The following PLCB1 variants were observed in gnomAD, a reference collection of about 807,000 sequenced individuals.
The protein encoded by PLCB1 is 1-phosphatidylinositol 4,5-bisphosphate phosphodiesterase beta-1.
A neutral mutation model predicts 161.8 loss-of-function variants in PLCB1; 46 were observed. The ratio of observed to expected loss-of-function variants is 0.28; its 90% CI spans 0.22 to 0.36. The LOEUF is 0.36. PLCB1 is among the 10% of genes least tolerant of loss of function. PLCB1 has a pLI of 1.00. For synonymous variants in PLCB1, 517 were observed against 503.7 expected (o/e 1.03, Z -0.35); for missense variants, 1,016 against 1,472.5 (o/e 0.69, Z 5.07).
rs1425827795 is a variant in PLCB1, at chr20:8,838,506, T to C, written c.3424-43116T>C. Among the ~76,000 whole-genome samples, 3 of 152,206 alleles carry C rather than the reference T, an allele frequency of 2.0e-5. No individual in the cohort carries two copies. The East Asian group carries it at 5.8e-4, about 29-fold the overall frequency. ...ACTTATCCCGTGGTTATTTTCCTAG[T>C]CTGAAATGTATACTTGGAATAGATA... On this transcript the variant is annotated intron_variant, in intron 31 of 31. Transcript: ENST00000338037.
chr20:8,826,495 C>CAAA (rs5840291), intron 31 of PLCB1, among the ~76,000 whole-genome samples: 2 of 123,072 alleles, frequency 1.6e-5, no homozygotes, highest in African/African-American at 3.3e-5. Flanking sequence ...GACTCCGTCT[C>CAAA]AAAAAAAAAA....
chr20:8,836,652 T>C (rs1198533915), intron 31 of PLCB1, among the ~76,000 whole-genome samples: 1 of 133,278 alleles, frequency 7.5e-6, no homozygotes, highest in Admixed American at 8.4e-5. Context: ...TCAATAGAGA[T>C]ATATAAATAT....
chr20:8,656,568 A>G (rs1989462900), intron 7 of PLCB1, among the ~76,000 whole-genome samples: 2 of 152,054 alleles, frequency 1.3e-5, no homozygotes, highest in African/African-American at 4.8e-5. Context: ...TTTTATATCA[A>G]TGACTTGCTT....
intron 2 of PLCB1, among the ~76,000 whole-genome samples, chr20:8,260,624 A>G (rs1981641768): frequency 6.6e-6 from 1 of 152,084 alleles, no homozygotes; most frequent in South Asian, 2.1e-4. Context: ...AGGGACAAGC[A>G]AATCCTAGCT....
intron 2 of PLCB1, among the ~76,000 whole-genome samples, chr20:8,262,860 GA>G (rs1156754097): frequency 6.6e-6 from 1 of 150,428 alleles, no homozygotes; most frequent in Non-Finnish European, 1.5e-5. Context: ...GAGGGAGAAA[GA>G]GAATGAGAGA....
intron 3 of PLCB1, among the ~76,000 whole-genome samples, chr20:8,506,285 T>G (rs1983635117): frequency 1.3e-5 from 2 of 152,200 alleles, no homozygotes; most frequent in African/African-American, 4.8e-5. Context: ...CTAACTCAAT[T>G]GAACTTGCTA....
At chr20:8,444,996 T>C (rs1195106003) in intron 3 of PLCB1, among the ~76,000 whole-genome samples, 1 of 152,186 alleles carries the variant, frequency 6.6e-6, no homozygotes, top group Non-Finnish European at 1.5e-5. Context: ...TTCTGTAGGT[T>C]GTCTGTTCAC....
At chr20:8,562,007 T>C (rs763829842) in intron 3 of PLCB1, among the ~76,000 whole-genome samples, 1 of 152,030 alleles carries the variant, frequency 6.6e-6, no homozygotes, top group Non-Finnish European at 1.5e-5. Context: ...TTGCTATTTT[T>C]TTCCTTTTAG....
At chr20:8,456,544 A>C (rs1981325658) in intron 3 of PLCB1, among the ~76,000 whole-genome samples, 1 of 152,168 alleles carries the variant, frequency 6.6e-6, no homozygotes, top group Admixed American at 6.5e-5. Context: ...TAATAAACAC[A>C]AGTTTTATGA....
At chr20:8,505,303 T>A (rs1196848120) in intron 3 of PLCB1, among the ~76,000 whole-genome samples, 1 of 152,218 alleles carries the variant, frequency 6.6e-6, no homozygotes, top group Non-Finnish European at 1.5e-5. Context: ...CCTTTCTCAT[T>A]GAGTGGCGAG....
intron 2 of PLCB1, among the ~76,000 whole-genome samples, chr20:8,253,434 T>G (rs138535652): frequency 6.6e-6 from 1 of 152,102 alleles, no homozygotes; most frequent in Non-Finnish European, 1.5e-5. Context: ...AATACGAGAC[T>G]GACATATTTA....
At chr20:8,233,462 G>A (rs1980170816) in intron 2 of PLCB1, among the ~76,000 whole-genome samples, 1 of 152,094 alleles carries the variant, frequency 6.6e-6, no homozygotes, top group Non-Finnish European at 1.5e-5. Flanking sequence ...ACTTGGTGAG[G>A]CAGACAGGCA....
intron 2 of PLCB1, among the ~76,000 whole-genome samples, chr20:8,339,656 T>C (rs988232053): frequency 3.9e-5 from 6 of 152,228 alleles, no homozygotes; most frequent in Admixed American, 3.3e-4. Flanking sequence ...AAAAACTCTC[T>C]TCTGTTGTTG....
chr20:8,206,187 T>C (rs756677063), intron 2 of PLCB1, among the ~76,000 whole-genome samples: 11 of 152,226 alleles, frequency 7.2e-5, no homozygotes, highest in East Asian at 1.9e-4. Context: ...TCCTGACCTA[T>C]GACTTGTATA....
chr20:8,766,382 A>G (rs1982316314), intron 26 of PLCB1, among the ~76,000 whole-genome samples: 1 of 152,214 alleles, frequency 6.6e-6, no homozygotes, highest in African/African-American at 2.4e-5. Context: ...CACAGAAAGA[A>G]TAAAGCCTGG....
chr20:8,560,244 G>A (rs994459964), intron 3 of PLCB1, among the ~76,000 whole-genome samples: 5 of 151,944 alleles, frequency 3.3e-5, no homozygotes, highest in East Asian at 1.9e-4. Context: ...AGAACTACCC[G>A]TCTAAGTCAT....
chr20:8,460,109 A>G (rs1398809622), intron 3 of PLCB1, among the ~76,000 whole-genome samples: 1 of 152,232 alleles, frequency 6.6e-6, no homozygotes, highest in African/African-American at 2.4e-5. Context: ...ACTAAACTCT[A>G]GATGAGATCA....
At chr20:8,789,365 C>T (rs755158995) in intron 29 of PLCB1, among the ~76,000 whole-genome samples, 153 bp from the exon 30 acceptor site, 6 of 151,782 alleles carry the variant, frequency 4.0e-5, no homozygotes, top group South Asian at 2.1e-4. Context: ...GGCAACAGAG[C>T]GAAACCTTGT....
At chr20:8,286,213 A>G (rs77245385) in intron 2 of PLCB1, among the ~76,000 whole-genome samples, 2 of 152,160 alleles carry the variant, frequency 1.3e-5, no homozygotes, top group Non-Finnish European at 2.9e-5. Context: ...AGTCCCAGCT[A>G]CTCAGGAGGC....
Sources: allele counts gnomAD v4.1 joint callset (sites outside exome capture counted in the v4.1 genomes callset), GRCh38; gene constraint gnomAD v4.1.1; transcripts MANE v1.5; gene names NCBI Gene and HGNC (gene_info 2026-07-23, HGNC 2026-07-21).